FGFR2: variants seen among roughly 807,000 people sequenced by gnomAD.
FGFR2 encodes the protein fibroblast growth factor receptor 2.
A neutral mutation model predicts 95.9 loss-of-function variants in FGFR2; 19 were observed. The ratio of observed to expected loss-of-function variants is 0.20; its 90% confidence interval spans 0.14 to 0.29. The LOEUF (loss-of-function observed/expected upper bound fraction) is 0.29, where lower values mean the gene tolerates loss of function less well. FGFR2 is among the 10% of genes least tolerant of loss of function. FGFR2 has a pLI of 1.00. For synonymous variants in FGFR2, 392 were observed against 393.3 expected (o/e 1.00, Z 0.04); for missense variants, 707 against 1,056.9 (o/e 0.67, Z 4.59).
At chr10:121,564,956 T>C (rs994152004) in intron 3 of FGFR2, among the ~76,000 whole-genome samples, 2 of 152,096 alleles carry the variant, frequency 1.3e-5, no homozygotes, top group Non-Finnish European at 2.9e-5. Flanking sequence ...AAGAAAGAAA[T>C]TGATCCCTAA....
At chr10:121,560,350 C>G (rs1409427674) in intron 4 of FGFR2, among the ~76,000 whole-genome samples, 1 of 152,096 alleles carries the variant, frequency 6.6e-6, no homozygotes, top group Non-Finnish European at 1.5e-5. Context: ...TGCCGTGGCT[C>G]ACGCCTGTAA....
chr10:121,504,643 C>T (rs762683566), intron 9 of FGFR2, among the ~76,000 whole-genome samples: 3 of 152,120 alleles, frequency 2.0e-5, no homozygotes, highest in Admixed American at 6.5e-5. Flanking sequence ...GCACTAAACA[C>T]GTGGGATGAA....
At chr10:121,540,220 TG>T (rs2134637391) in intron 5 of FGFR2, among the ~76,000 whole-genome samples, 1 of 152,314 alleles carries the variant, frequency 6.6e-6, no homozygotes, top group South Asian at 2.1e-4. Flanking sequence ...TCTAACAGCC[TG>T]GAGCTGGTGA....
chr10:121,517,569 G>GC lies in FGFR2; in HGVS notation c.940-107dup, dbSNP rs1273948868. 7.6e-7 allele frequency: 1 copy of GC among 1,314,776 alleles called. No homozygotes were observed. Among genetic ancestry groups the GC allele is most frequent in the Non-Finnish European group, 1.1e-6 (1 of 925,490 alleles). 81.4% of individuals were successfully genotyped at this position (1,314,776 alleles called of 1,614,324 possible). ...GCACCGGGGGCTTCAGGGGGTGCTG[G>GC]CCACTGGGAGATTCCGACTGCAGCC... is the stretch of plus-strand genomic sequence containing the variant. On this transcript the variant is annotated intron_variant, in intron 7 of 17. Coordinates refer to ENST00000358487, the MANE Select transcript of FGFR2 (RefSeq NM_000141.5). The surrounding 1 kb of genome is among the most constrained non-coding windows in gnomAD (Gnocchi z 4.7).
At chr10:121,554,872 A>G (rs115117732) in intron 4 of FGFR2, among the ~76,000 whole-genome samples, 2,359 of 152,244 alleles carry the variant, frequency 0.015, 64 homozygotes, top group African/African-American at 0.054. Context: ...AAGAACTGCA[A>G]AACAGCTGGA....
At chr10:121,540,100 G>T (rs1356644612) in intron 5 of FGFR2, among the ~76,000 whole-genome samples, 1 of 152,202 alleles carries the variant, frequency 6.6e-6, no homozygotes, top group East Asian at 1.9e-4. Context: ...CTGGATGAAG[G>T]TTGGCCTCCT....
rs577920157 is a variant in FGFR2 at position 121,560,907 on chromosome 10, C to G, written c.454+3595G>C. Among the ~76,000 whole-genome samples, 5 of 152,282 alleles carry G rather than the reference C, an allele frequency of 3.3e-5. No individual in the cohort carries two copies. The South Asian group carries it at 1.0e-3, about 32-fold the overall frequency. ...TGGGTCTGAGGAGGAACCTGAGAATCTGCATTTCGAGGGAGTTCTCAGGTG... is the reference window on the plus strand; with the variant it reads ...TGGGTCTGAGGAGGAACCTGAGAATGTGCATTTCGAGGGAGTTCTCAGGTG... On this transcript the variant is annotated intron_variant, in intron 4 of 17. Coordinates refer to ENST00000358487, the MANE Select transcript of FGFR2 (RefSeq NM_000141.5).
chr10:121,498,498 C>T lies in FGFR2; in HGVS notation c.1669G>A (p.Asp557Asn). The T allele has an allele frequency of 6.3e-7, 1 of 1,582,260 alleles. No homozygotes were observed. The highest frequency in any genetic ancestry group is 1.1e-5 in the South Asian group (1 of 90,416). ...TGCAGTTTTTCCTCCTACTCACCAT[C>T]CTGTGTGCAGGCTCCAAGAAGATTT... Reference protein sequence around the residue: ...IINLLGACTQDGPLYVIVEYA... With the variant: ...IINLLGACTQNGPLYVIVEYA... The change falls in exon 12 of 18, where the codon GAT (aspartate) becomes AAT (asparagine). Residue 557 changes from aspartate to asparagine, a missense_variant. By Grantham distance (23) the Asp-to-Asn change is conservative. Around this residue, in one of 7 missense-constraint regions of FGFR2, gnomAD observed 194 missense variants for 267.3 expected, o/e 0.73. Coordinates refer to ENST00000358487, the MANE Select transcript of FGFR2 (RefSeq NM_000141.5).
intron 2 of FGFR2, among the ~76,000 whole-genome samples, chr10:121,579,364 G>A (rs1380114557): frequency 1.3e-5 from 2 of 152,196 alleles, no homozygotes; most frequent in Non-Finnish European, 2.9e-5. Context: ...TAACTGGCCT[G>A]CAGATTGCTT....
chr10:121,569,131 GA>G (rs1858159588), intron 2 of FGFR2, among the ~76,000 whole-genome samples: 1 of 152,140 alleles, frequency 6.6e-6, no homozygotes, highest in South Asian at 2.1e-4. Context: ...CTTCAAGGCG[GA>G]AGATGCTTGC....
chr10:121,541,987 G>A (rs1853828268), intron 5 of FGFR2, among the ~76,000 whole-genome samples: 1 of 152,130 alleles, frequency 6.6e-6, no homozygotes, highest in Non-Finnish European at 1.5e-5. Context: ...CTGCTTGTAA[G>A]AGCAAAAAAC....
chr10:121,547,002 A>C (rs1854614153), intron 5 of FGFR2, among the ~76,000 whole-genome samples: 1 of 152,182 alleles, frequency 6.6e-6, no homozygotes, highest in African/African-American at 2.4e-5. Context: ...AGGAGGGTGG[A>C]CCACTTGAGG....
chr10:121,551,519 A>G, intron 4 of FGFR2, 60 bp from the exon 5 acceptor site: 6 of 1,483,286 alleles, frequency 4.0e-6, no homozygotes, highest in Non-Finnish European at 5.6e-6. Flanking sequence ...CCATGAGTAA[A>G]CTCCAAACAG....
At chr10:121,566,428 G>C (rs1485662052) in intron 2 of FGFR2, among the ~76,000 whole-genome samples, 1 of 152,134 alleles carries the variant, frequency 6.6e-6, no homozygotes, top group Non-Finnish European at 1.5e-5. Flanking sequence ...ACTTACAGGG[G>C]TCCTGAAATG....
intron 2 of FGFR2, among the ~76,000 whole-genome samples, chr10:121,573,840 G>A (rs1859258664): frequency 6.6e-6 from 1 of 152,166 alleles, no homozygotes. Flanking sequence ...ATGGCCTTCG[G>A]TTCCCGGTGC....
At position 121,503,798 on chromosome 10, in the gene FGFR2, T is replaced by C. The variant is rs1436326576; in HGVS notation, c.1431A>G (p.Pro477=). 3.1e-6 allele frequency: 5 copies of C among 1,614,026 alleles called. No homozygotes were observed. The East Asian group carries it at 1.1e-4, about 36-fold the overall frequency. Residue 477 remains proline (P), a synonymous_variant, in exon 10 of 18, where the codon CCA becomes CCG. Transcript: ENST00000358487. ...ELPEDPKWEF[P]RDKLTLGKPL... The stretch of plus-strand genomic sequence containing the variant: ...CCAAGAGAAGTACTCACTTATCTCT[T>C]GGAAACTCCCATTTTGGGTCCTCTG...
Position 121,481,827 on chromosome 10 carries a change from C to CTTTTTTTTTTTT in FGFR2, c.2302-1807_2302-1806insAAAAAAAAAAAA, listed in dbSNP as rs1172844728. 177 of 179,038 alleles carry CTTTTTTTTTTTT rather than the reference C, an allele frequency of 9.9e-4. 10 individuals carry two copies. The highest frequency in any genetic ancestry group is 2.1e-3 in the African/African-American group (73 of 34,264). The allele number at this position is 179,038 out of a possible 1,614,324, so 11.1% of individuals were successfully genotyped here. On this transcript the variant is annotated intron_variant, in intron 17 of 17. Transcript: ENST00000358487. ...CTTTAGTGCTTTTCCCGGTTTCTTT[C>CTTTTTTTTTTTT]TTTTTTATTTTTATTTTTTTTTTTT... is the stretch of plus-strand genomic sequence containing the variant.
chr10:121,577,174 T>TAGAGAGAGAGAGAGAGAG (rs1426070759), intron 2 of FGFR2, among the ~76,000 whole-genome samples: 3 of 4,800 alleles, frequency 6.3e-4, no homozygotes, highest in Non-Finnish European at 1.1e-3. Context: ...TATATATATA[T>TAGAGAGAGAGAGAGAGAG]ATATAGAGAG....
chr10:121,495,766 A>G (rs1337212539), intron 13 of FGFR2, among the ~76,000 whole-genome samples: 3 of 152,198 alleles, frequency 2.0e-5, no homozygotes, highest in African/African-American at 7.2e-5. Flanking sequence ...CTGGCACTGC[A>G]ATAAACTGCA....
Sources: gnomAD v4.1 joint callset for allele counts (sites outside exome capture counted in the v4.1 genomes callset) on GRCh38, gnomAD v4.1.1 for gene constraint, gnomAD v4.1.1 regional missense constraint, Gnocchi (gnomAD v3.1) non-coding constraint, MANE v1.5 for transcripts, NCBI Gene and HGNC (gene_info 2026-07-23, HGNC 2026-07-21) for gene names.